The following TNRC6C variants were observed in gnomAD, a reference collection of about 807,000 sequenced individuals.
TNRC6C encodes the protein trinucleotide repeat containing adaptor 6C.
Under a neutral mutation model 153.7 loss-of-function variants are expected in TNRC6C, and 20 were observed. That is an observed-to-expected ratio of 0.13 (90% confidence interval 0.09 to 0.19). TNRC6C has a LOEUF of 0.19. Among genes scored for constraint, TNRC6C ranks in the 10% least tolerant of loss-of-function variants. The pLI, the probability that TNRC6C is intolerant of heterozygous loss-of-function variation, is 1.00. For missense variants in TNRC6C, 1,987 were observed against 2,172.0 expected (o/e 0.91, Z 1.69); for synonymous variants, 811 against 841.4 (o/e 0.96, Z 0.63).
intron 1 of TNRC6C, among the ~76,000 whole-genome samples, chr17:77,997,184 G>A (rs2071341895): frequency 6.6e-6 from 1 of 152,152 alleles, no homozygotes; most frequent in African/African-American, 2.4e-5. Flanking sequence ...TGGGCTGCGG[G>A]GCTTTGTCTT....
intron 1 of TNRC6C, among the ~76,000 whole-genome samples, chr17:77,984,549 C>T (rs1202169226): frequency 6.6e-6 from 1 of 152,118 alleles, no homozygotes; most frequent in African/African-American, 2.4e-5. Context: ...TCTCTCCACT[C>T]CCTCCTTCAG....
At position 78,075,071 on chromosome 17, in the gene TNRC6C, G is replaced by A. The variant is rs148395543; in HGVS notation, c.2918-65G>A. On this transcript the variant is annotated intron_variant, in intron 7 of 19. Coordinates refer to ENST00000301624, the Ensembl canonical transcript of TNRC6C. The surrounding 1 kb of genome is among the most constrained non-coding windows in gnomAD (Gnocchi z 4.2). ...ATCCCTCCTTGAGGCCTTAGCTGGT[G>A]CCTATCTTGTGCTCAGCACTCACTT... 7 of 1,573,692 alleles carry A rather than the reference G, an allele frequency of 4.4e-6. No individual in the cohort carries two copies. In the African/African-American group the frequency reaches 6.7e-5, roughly 15 times the overall value.
intron 11 of TNRC6C, among the ~76,000 whole-genome samples, 158 bp from the exon 14 acceptor site, chr17:78,086,345 A>AC (rs1567959780): frequency 7.7e-5 from 9 of 116,248 alleles, no homozygotes; most frequent in Non-Finnish European, 1.4e-4. Flanking sequence ...AAAAAAAAAA[A>AC]AAAAAAAAAA....
At chr17:78,102,435 A>G (rs575763507) in intron 17 of TNRC6C, 39 bp from the exon 21 acceptor site, 1 of 1,576,686 alleles carries the variant, frequency 6.3e-7, no homozygotes, top group African/African-American at 1.3e-5. Context: ...ATCCACTGGC[A>G]CGGGGCCTTG....
chr17:78,103,803 T>A (rs1005065813), intron 19 of TNRC6C, among the ~76,000 whole-genome samples: 1 of 152,196 alleles, frequency 6.6e-6, no homozygotes, highest in African/African-American at 2.4e-5. Context: ...GTCGTCTCTT[T>A]GTGCATGTCT....
At chr17:77,974,828 G>A (rs1394469229) in intron 1 of TNRC6C, among the ~76,000 whole-genome samples, 2 of 152,238 alleles carry the variant, frequency 1.3e-5, no homozygotes, top group African/African-American at 4.8e-5. Flanking sequence ...TCACCGAGGA[G>A]AAAACAGAGA....
At chr17:78,084,754 G>C (rs530120318) in intron 11 of TNRC6C, among the ~76,000 whole-genome samples, 1 of 151,330 alleles carries the variant, frequency 6.6e-6, no homozygotes. Context: ...TCAGCCTCCC[G>C]AGTAGCTGGG....
At chr17:78,065,773 C>T (rs543738482) in intron 4 of TNRC6C, among the ~76,000 whole-genome samples, 3 of 152,232 alleles carry the variant, frequency 2.0e-5, no homozygotes, top group East Asian at 3.9e-4. Context: ...TAAAAAGGTA[C>T]ATTTTCCTCC....
intron 10 of TNRC6C, among the ~76,000 whole-genome samples, chr17:78,080,102 T>G (rs1264221973): frequency 3.3e-5 from 5 of 151,680 alleles, no homozygotes; most frequent in Admixed American, 6.6e-5. Flanking sequence ...TAGAGTTGGG[T>G]TTTTTTTCTT....
intron 3 of TNRC6C, among the ~76,000 whole-genome samples, chr17:78,054,058 C>T (rs2072594132): frequency 6.6e-6 from 1 of 152,126 alleles, no homozygotes; most frequent in South Asian, 2.1e-4. Flanking sequence ...GCCTGTTGCT[C>T]CTAGGCTACA....
intron 1 of TNRC6C, among the ~76,000 whole-genome samples, chr17:77,995,607 C>T (rs117425854): frequency 1.4e-4 from 21 of 152,078 alleles, no homozygotes; most frequent in Middle Eastern, 6.8e-3. Context: ...CAATGAAATC[C>T]CAAGCATTAT....
Position 78,012,349 on chromosome 17 carries a change from G to C in TNRC6C, c.-546+7270G>C, listed in dbSNP as rs192800960. Among the ~76,000 whole-genome samples the C allele has an allele frequency of 5.3e-3, 811 of 152,184 alleles. 5 individuals are homozygous for C. The highest frequency in any genetic ancestry group is 8.0e-3 in the Non-Finnish European group (543 of 68,012). On this transcript the variant is annotated intron_variant, in intron 1 of 19. Transcript: ENST00000301624. ...ACACTGGGTTCTCCTTGAGGGTGGA[G>C]GGTGGAAGGAGGGAGAGGAGCAGAA... is the stretch of plus-strand genomic sequence containing the variant.
intron 1 of TNRC6C, among the ~76,000 whole-genome samples, chr17:77,980,257 G>C (rs1270372083): frequency 6.6e-6 from 1 of 152,184 alleles, no homozygotes; most frequent in African/African-American, 2.4e-5. Context: ...CACATCCTGC[G>C]CATGTACCTG....
At chr17:77,961,623 G>A (rs1180622226) in intron 1 of TNRC6C, among the ~76,000 whole-genome samples, 5 of 152,176 alleles carry the variant, frequency 3.3e-5, no homozygotes, top group African/African-American at 9.6e-5. Flanking sequence ...TGTTTATTGC[G>A]GGGGGCGAGG....
At chr17:78,017,956 C>G (rs1366714272) in intron 1 of TNRC6C, among the ~76,000 whole-genome samples, 1 of 152,120 alleles carries the variant, frequency 6.6e-6, no homozygotes, top group African/African-American at 2.4e-5. Flanking sequence ...TTTCTGAATC[C>G]CTAAATTAGG....
exon 3 of TNRC6C, chr17:78,051,369 C>T (rs1389393206): frequency 1.9e-6 from 3 of 1,551,234 alleles, no homozygotes; most frequent in East Asian, 2.4e-5. Context: ...CTACCACGAG[C>T]AACACCACAC....
chr17:78,098,030 C>T (rs2290905), intron 16 of TNRC6C, among the ~76,000 whole-genome samples, 169 bp downstream of exon 19: 36,930 of 152,208 alleles, frequency 0.24, 5,452 homozygotes, highest in African/African-American at 0.4. Flanking sequence ...AGTGGGCACG[C>T]TGGGCACATC....
chr17:78,057,952 G>C (rs2072692429), intron 3 of TNRC6C, among the ~76,000 whole-genome samples: 1 of 152,150 alleles, frequency 6.6e-6, no homozygotes, highest in Non-Finnish European at 1.5e-5. Flanking sequence ...AGGAAATGCA[G>C]TATAGCTTCC....
intron 5 of TNRC6C, among the ~76,000 whole-genome samples, chr17:78,070,439 T>G (rs1321032070): frequency 6.6e-6 from 1 of 152,186 alleles, no homozygotes; most frequent in Non-Finnish European, 1.5e-5. Context: ...ACCTTTGCAT[T>G]TATAGGCTCA....
Sources: allele counts gnomAD v4.1 joint callset (sites outside exome capture counted in the v4.1 genomes callset), GRCh38; gene constraint gnomAD v4.1.1; non-coding constraint Gnocchi (gnomAD v3.1); transcripts MANE v1.5; gene names NCBI Gene and HGNC (gene_info 2026-07-23, HGNC 2026-07-21).